LRRC58: variants seen among roughly 807,000 people sequenced by gnomAD.
LRRC58 encodes the protein leucine-rich repeat-containing protein 58.
In LRRC58, 18 loss-of-function variants were observed where a neutral mutation model predicts 30.6. The observed-to-expected ratio is 0.59, with a 90% CI of 0.41 to 0.87. The LOEUF (loss-of-function observed/expected upper bound fraction) is 0.87. Ranked by LOEUF, LRRC58 falls within the 40% of genes least tolerant of loss-of-function variation. The pLI, the probability that LRRC58 is intolerant of heterozygous loss-of-function variation, is 0.00. For synonymous variants in LRRC58, 221 were observed against 206.0 expected, an observed-to-expected ratio of 1.07 and a Z score of -0.62; for missense variants, 420 against 468.4, an observed-to-expected ratio of 0.90 and a Z score of 0.95.
At chr3:120,340,607 G>A (rs1935892458) in intron 1 of LRRC58, among the ~76,000 whole-genome samples, 1 of 152,060 alleles carries the variant, frequency 6.6e-6, no homozygotes. Flanking sequence ...CAGGTGCAGG[G>A]GCTCACACCT....
chr3:120,346,276 AAC>A (rs1491195153), intron 1 of LRRC58, among the ~76,000 whole-genome samples: 109 of 148,802 alleles, frequency 7.3e-4, no homozygotes, highest in African/African-American at 2.0e-3. Flanking sequence ...GAAAACAAAA[AAC>A]AAAAAACAAA....
Position 120,326,653 on chromosome 3 carries a change from A to T in LRRC58, c.*4547T>A, listed in dbSNP as rs1935677834. Reference sequence around the variant, plus strand: ...CTTAAAAGCTCACTATTTTGGACTAAATGGGGAGTAACATTCATAATGACA... The same window carrying T: ...CTTAAAAGCTCACTATTTTGGACTATATGGGGAGTAACATTCATAATGACA... On this transcript the variant is annotated 3_prime_UTR_variant, in exon 4 of 4. Transcript: ENST00000295628. The T allele has an allele frequency of 1.3e-5, 2 of 152,204 alleles. No individual in the cohort carries two copies. The highest frequency in any genetic ancestry group is 2.9e-5 in the Non-Finnish European group (2 of 68,038). 9.4% of individuals were successfully genotyped at this position (152,204 alleles called of 1,614,324 possible). A position where few individuals can be genotyped will look rare whatever the true frequency, so the allele number is the denominator to read the frequency against.
chr3:120,327,555 A>C lies in LRRC58; in HGVS notation c.*3645T>G, dbSNP rs1016141600. The C allele has an allele frequency of 3.3e-5, 5 of 152,160 alleles. No homozygotes were observed. Among genetic ancestry groups the C allele is most frequent in the African/African-American group, 1.2e-4 (5 of 41,434 alleles). The allele number at this position is 152,160 out of a possible 1,614,324, so 9.4% of individuals were successfully genotyped here. A position where few individuals can be genotyped will look rare whatever the true frequency, so the allele number is the denominator to read the frequency against. On this transcript the variant is annotated 3_prime_UTR_variant, in exon 4 of 4. Coordinates refer to ENST00000295628, the MANE Select transcript of LRRC58 (RefSeq NM_001099678.2). ...AAGCGTGAGCCACCACGCCCGGCCA[A>C]GATTTCTTTAACACTCCAGCAATCA...
At chr3:120,346,503 G>A (rs898677538) in intron 1 of LRRC58, among the ~76,000 whole-genome samples, 8 of 152,124 alleles carry the variant, frequency 5.3e-5, no homozygotes, top group African/African-American at 1.9e-4. Context: ...GCATCATTGT[G>A]AGTATTAAAA....
At position 120,349,139 on chromosome 3, in the gene LRRC58, C is replaced by G. The variant is rs369736137; in HGVS notation, c.105G>C (p.Arg35=). The G allele has an allele frequency of 0.011, 15,871 of 1,504,632 alleles. 99 individuals are homozygous for G. Among genetic ancestry groups the G allele is most frequent in the Non-Finnish European group, 0.013 (14,462 of 1,135,142 alleles). The allele number at this position is 1,504,632 out of a possible 1,614,324, so 93.2% of individuals were successfully genotyped here. A position where few individuals can be genotyped will look rare whatever the true frequency, so the allele number is the denominator to read the frequency against. The stretch of plus-strand genomic sequence containing the variant: ...CCCGCGCCCCGCGCCGCTCCTCCCC[C>G]CGCGCCTCCAGCTCAGACTCCAGCG... ...TETLESELEA[R]GEERRGAREA... is the part of the protein sequence containing the mutation. The change falls in exon 1 of 4, where the codon CGG becomes CGC. Residue 35 remains arginine, a synonymous_variant. Coordinates refer to ENST00000295628, the MANE Select transcript of LRRC58 (RefSeq NM_001099678.2).
chr3:120,330,438 G>C lies in LRRC58; in HGVS notation c.*762C>G, dbSNP rs1456241890. On this transcript the variant is annotated 3_prime_UTR_variant, in exon 4 of 4. Coordinates refer to ENST00000295628, the MANE Select transcript of LRRC58 (RefSeq NM_001099678.2). ...GTTAAAGAATATTTTACAATGTTCT[G>C]CATGGTATGTCAGGTTATAGGTTGC... The C allele has an allele frequency of 6.6e-6, 1 of 152,132 alleles. No individual in the cohort carries two copies. The highest frequency in any genetic ancestry group is 1.5e-5 in the Non-Finnish European group (1 of 67,998). 9.4% of individuals were successfully genotyped at this position (152,132 alleles called of 1,614,324 possible).
rs1318200927 is a variant in LRRC58 at position 120,328,246 on chromosome 3, G to A, written c.*2954C>T. 6.6e-6 allele frequency: 1 copy of A among 152,044 alleles called. No homozygotes were observed. The highest frequency in any genetic ancestry group is 1.9e-4 in the East Asian group (1 of 5,194). The allele number at this position is 152,044 out of a possible 1,614,324, so 9.4% of individuals were successfully genotyped here. The stretch of plus-strand genomic sequence containing the variant: ...AATGTCAGCCAATCCCTGGCACCCT[G>A]GAATCAATGTATCATATTCACTAAT... On this transcript the variant is annotated 3_prime_UTR_variant, in exon 4 of 4. Transcript: ENST00000295628.
At chr3:120,340,384 T>C (rs1294831249) in intron 1 of LRRC58, among the ~76,000 whole-genome samples, 3 of 152,330 alleles carry the variant, frequency 2.0e-5, no homozygotes, top group South Asian at 2.1e-4. Flanking sequence ...GTTTTCATAA[T>C]TGTCAGTTTT....
intron 1 of LRRC58, among the ~76,000 whole-genome samples, chr3:120,341,663 C>T (rs561740550): frequency 5.3e-5 from 8 of 152,296 alleles, no homozygotes; most frequent in African/African-American, 1.9e-4. Context: ...ATTCCCAAGG[C>T]AACTTGCTTC....
chr3:120,337,734 T>C (rs538167191), intron 1 of LRRC58, among the ~76,000 whole-genome samples: 4 of 152,318 alleles, frequency 2.6e-5, no homozygotes, highest in African/African-American at 7.2e-5. Flanking sequence ...TGTCAATCTT[T>C]ACTTTTTTTC....
At chr3:120,343,751 T>C (rs1474131683) in intron 1 of LRRC58, among the ~76,000 whole-genome samples, 1 of 152,154 alleles carries the variant, frequency 6.6e-6, no homozygotes, top group Admixed American at 6.5e-5. Context: ...TACGTTAAGC[T>C]GGGCACAGTG....
rs188739327 is a variant in LRRC58, at chr3:120,329,418, A to C, written c.*1782T>G. 1 of 152,194 alleles carries C rather than the reference A, an allele frequency of 6.6e-6. No homozygotes were observed. Among genetic ancestry groups the C allele is most frequent in the Non-Finnish European group, 1.5e-5 (1 of 67,946 alleles). 9.4% of individuals were successfully genotyped at this position (152,194 alleles called of 1,614,324 possible). On this transcript the variant is annotated 3_prime_UTR_variant, in exon 4 of 4. Transcript: ENST00000295628. ...TATTACTCTTCTAGGCAGTAGGAACATATTAGATTACCTCTATAGACATAG... is the reference window on the plus strand; with the variant it reads ...TATTACTCTTCTAGGCAGTAGGAACCTATTAGATTACCTCTATAGACATAG...
intron 1 of LRRC58, among the ~76,000 whole-genome samples, chr3:120,342,042 C>A (rs1049455392): frequency 1.3e-5 from 2 of 152,094 alleles, no homozygotes; most frequent in Non-Finnish European, 2.9e-5. Context: ...CCCCAACAAT[C>A]CCTGCAGGCT....
rs778796620 is a variant in LRRC58, at chr3:120,335,152, T to C, written c.630-13A>G. ...AAGTGAATGTAACCTAGAATAAATG[T>C]AGTAGAAAAATCAATGGCAGTAAAC... On this transcript the variant is annotated splice_polypyrimidine_tract_variant and intron_variant, in intron 2 of 3. Coordinates refer to ENST00000295628, the MANE Select transcript of LRRC58 (RefSeq NM_001099678.2). 5.8e-5 allele frequency: 93 copies of C among 1,604,046 alleles called. No individual in the cohort carries two copies. The highest frequency in any genetic ancestry group is 7.2e-5 in the Non-Finnish European group (85 of 1,173,518).
chr3:120,341,185 C>T (rs1433003141), intron 1 of LRRC58, among the ~76,000 whole-genome samples: 1 of 152,110 alleles, frequency 6.6e-6, no homozygotes, highest in Non-Finnish European at 1.5e-5. Flanking sequence ...AGTTACTGCC[C>T]AGTTACTCAG....
At chr3:120,342,469 G>T (rs1223316280) in intron 1 of LRRC58, among the ~76,000 whole-genome samples, 1 of 152,170 alleles carries the variant, frequency 6.6e-6, no homozygotes, top group Non-Finnish European at 1.5e-5. Flanking sequence ...GACCTGCCGG[G>T]AGAGAGGAAC....
In LRRC58 at chr3:120,331,159, G is replaced by T. The variant is rs1935750498; in HGVS notation, c.*41C>A. On this transcript the variant is annotated 3_prime_UTR_variant, in exon 4 of 4. Coordinates refer to ENST00000295628, the MANE Select transcript of LRRC58 (RefSeq NM_001099678.2). ...CTCTATTTTCTTGTCTAACCATTTT[G>T]CTCAGTTTTTTAAGTATTTCACAAC... 1.9e-6 allele frequency: 3 copies of T among 1,546,040 alleles called. No homozygotes were observed. Among genetic ancestry groups the T allele is most frequent in the Admixed American group, 1.7e-5 (1 of 59,690 alleles).
intron 1 of LRRC58, among the ~76,000 whole-genome samples, chr3:120,337,047 A>G (rs1227293746): frequency 2.6e-5 from 4 of 152,146 alleles, no homozygotes; most frequent in Admixed American, 2.0e-4. Context: ...CCAAACTTCC[A>G]TGGTAAGAAT....
At position 120,327,242 on chromosome 3, in the gene LRRC58, GATTT is replaced by G. The variant is rs1159644184; in HGVS notation, c.*3954_*3957del. ...CTCTTCTAGCCCTGTGGCTTCTAAA[GATTT>G]CTTTTTTTTTTTTTTTTTTTTTTGA... On this transcript the variant is annotated 3_prime_UTR_variant, in exon 4 of 4. Coordinates refer to ENST00000295628, the MANE Select transcript of LRRC58 (RefSeq NM_001099678.2). 3 of 122,388 alleles carry G rather than the reference GATTT, an allele frequency of 2.5e-5. No homozygotes were observed. The highest frequency in any genetic ancestry group is 2.1e-4 in the East Asian group (1 of 4,720). The allele number at this position is 122,388 out of a possible 1,614,324, so 7.6% of individuals were successfully genotyped here.
Sources: allele counts gnomAD v4.1 joint callset (sites outside exome capture counted in the v4.1 genomes callset), GRCh38; gene constraint gnomAD v4.1.1; transcripts MANE v1.5; gene names NCBI Gene and HGNC (gene_info 2026-07-23, HGNC 2026-07-21).